Variants in HEMGN observed in about 807,000 individuals in gnomAD.
HEMGN encodes erythroid differentiation-associated gene protein.
A neutral mutation model predicts 45.7 loss-of-function variants in HEMGN; 32 were observed. The ratio of observed to expected loss-of-function variants is 0.70; its 90% CI spans 0.53 to 0.94. HEMGN has a LOEUF of 0.94. Among genes scored for constraint, HEMGN ranks in the 40% least tolerant of loss-of-function variants. The pLI, the probability that HEMGN is intolerant of heterozygous loss-of-function variation, is 0.00. For missense variants in HEMGN, 530 were observed against 564.2 expected (o/e 0.94, Z 0.61); for synonymous variants, 183 against 178.6 (o/e 1.02, Z -0.20).
intron 1 of HEMGN, among the ~76,000 whole-genome samples, chr9:97,936,950 T>A (rs1203968673): frequency 1.3e-5 from 2 of 152,206 alleles, no homozygotes; most frequent in African/African-American, 4.8e-5. Flanking sequence ...ATCAAAAAAG[T>A]TTCTGCTGCT....
Position 97,927,262 on chromosome 9 carries a change from C to A in HEMGN, c.*122G>T. 1.7e-6 allele frequency: 1 copy of A among 596,536 alleles called. No homozygotes were observed. Among genetic ancestry groups the A allele is most frequent in the South Asian group, 2.4e-5 (1 of 42,426 alleles). The allele number at this position is 596,536 out of a possible 1,614,324, so 37.0% of individuals were successfully genotyped here. The stretch of plus-strand genomic sequence containing the variant: ...AAATGTTATTTCTTTCAGATATGGT[C>A]TACAAATAGAAAAAATAATATTAAT... On this transcript the variant is annotated 3_prime_UTR_variant, in exon 4 of 4. Coordinates refer to ENST00000616898, the MANE Select transcript of HEMGN (RefSeq NM_197978.3).
intron 3 of HEMGN, among the ~76,000 whole-genome samples, chr9:97,928,658 T>C (rs1235318571): frequency 6.6e-6 from 1 of 152,194 alleles, no homozygotes; most frequent in African/African-American, 2.4e-5. Context: ...TTTAATATGG[T>C]GTCTGGCACA....
chr9:97,935,313 T>A (rs1263920895), intron 2 of HEMGN, among the ~76,000 whole-genome samples: 1 of 152,182 alleles, frequency 6.6e-6, no homozygotes, highest in Admixed American at 6.5e-5. Context: ...AAATTAGTGG[T>A]TCTCAACTGG....
At chr9:97,928,721 T>A (rs1826879873) in intron 3 of HEMGN, among the ~76,000 whole-genome samples, 1 of 152,254 alleles carries the variant, frequency 6.6e-6, no homozygotes, top group Non-Finnish European at 1.5e-5. Flanking sequence ...CCAATGATGT[T>A]CATTGAACAT....
intron 2 of HEMGN, among the ~76,000 whole-genome samples, chr9:97,932,393 T>C (rs1001401605): frequency 2.0e-5 from 3 of 152,190 alleles, no homozygotes; most frequent in Non-Finnish European, 4.4e-5. Context: ...CAAACACAGT[T>C]TGAAGTCAAT....
chr9:97,944,129 G>T (rs1483063939), intron 1 of HEMGN, among the ~76,000 whole-genome samples: 1 of 152,116 alleles, frequency 6.6e-6, no homozygotes, highest in Admixed American at 6.6e-5. Context: ...TATACTTTTA[G>T]CTACTACCTC....
intron 2 of HEMGN, 118 bp from the exon 3 acceptor site, chr9:97,931,339 T>A: frequency 1.4e-6 from 1 of 705,954 alleles, no homozygotes; most frequent in Non-Finnish European, 2.3e-6. Context: ...ACTAGTCACT[T>A]AATCTCTCTG....
Position 97,930,877 on chromosome 9 carries a change from G to A in HEMGN, c.518C>T (p.Ser173Phe). ...CQHVSEPEDL[S>F]PKMYQEISVL... Reference sequence around the variant, plus strand: ...AGATATTTCTTGGTACATTTTAGGAGAGAGGTCTTCAGGTTCAGACACATG... The same window carrying A: ...AGATATTTCTTGGTACATTTTAGGAAAGAGGTCTTCAGGTTCAGACACATG... Residue 173 changes from serine (S) to phenylalanine (F), a missense_variant, in exon 3 of 4, where the codon TCT becomes TTT. Transcript: ENST00000616898. 1.2e-6 allele frequency: 2 copies of A among 1,614,080 alleles called. No individual in the cohort carries two copies. The highest frequency in any genetic ancestry group is 1.7e-6 in the Non-Finnish European group (2 of 1,179,922).
At chr9:97,940,363 G>A (rs1429214344), upstream of HEMGN, among the ~76,000 whole-genome samples, 4 of 152,122 alleles carry the variant, frequency 2.6e-5, no homozygotes, top group Non-Finnish European at 4.4e-5. Flanking sequence ...CATGTTCCCT[G>A]TATCTAGAAG....
At chr9:97,942,902 C>T (rs527238918), upstream of HEMGN, among the ~76,000 whole-genome samples, 2 of 152,254 alleles carry the variant, frequency 1.3e-5, no homozygotes, top group East Asian at 3.9e-4. Flanking sequence ...AAAATTATAG[C>T]GCCTCCAAAA....
upstream of HEMGN, chr9:97,938,205 T>C: frequency 4.2e-6 from 4 of 962,008 alleles, no homozygotes; most frequent in Non-Finnish European, 6.6e-6. Context: ...TTTTAAAATA[T>C]CAAAAACATC....
chr9:97,936,100 C>G, intron 2 of HEMGN, 71 bp downstream of exon 2: 1 of 975,072 alleles, frequency 1.0e-6, no homozygotes, highest in Non-Finnish European at 1.7e-6. Context: ...GTGTAAAGTG[C>G]ACAGCACTAC....
In HEMGN at chr9:97,927,366, C is replaced by T. The variant is rs770481250; in HGVS notation, c.*18G>A. 2.0e-5 allele frequency: 29 copies of T among 1,452,954 alleles called. No homozygotes were observed. The highest frequency in any genetic ancestry group is 5.2e-5 in the Admixed American group (3 of 57,414). The allele number at this position is 1,452,954 out of a possible 1,614,324, so 90.0% of individuals were successfully genotyped here. On this transcript the variant is annotated 3_prime_UTR_variant, in exon 4 of 4. Coordinates refer to ENST00000616898, the MANE Select transcript of HEMGN (RefSeq NM_197978.3). Reference sequence around the variant, plus strand: ...AGCTGTATGTTCCATTGGACCACAACTTTATGGTTGAGCATTGTTAAAACA... The same window carrying T: ...AGCTGTATGTTCCATTGGACCACAATTTTATGGTTGAGCATTGTTAAAACA...
At chr9:97,931,246 C>A in intron 2 of HEMGN, 25 bp from the exon 3 acceptor site, 1 of 1,540,502 alleles carries the variant, frequency 6.5e-7, no homozygotes. Flanking sequence ...GAATTAGTGT[C>A]AGCAGTGGTA....
intron 2 of HEMGN, among the ~76,000 whole-genome samples, chr9:97,931,812 C>T (rs1826959409): frequency 6.6e-6 from 1 of 152,130 alleles, no homozygotes; most frequent in African/African-American, 2.4e-5. Flanking sequence ...GCTGCAAAAG[C>T]ACTTCTTGAA....
chr9:97,928,094 T>C (rs972692781), intron 3 of HEMGN, among the ~76,000 whole-genome samples: 1 of 150,668 alleles, frequency 6.6e-6, no homozygotes, highest in African/African-American at 2.4e-5. Flanking sequence ...TGGCGCGATC[T>C]CTGCTCACTG....
intron 1 of HEMGN, 82 bp downstream of exon 1, chr9:97,937,973 TTTG>T: frequency 5.9e-6 from 4 of 677,992 alleles, no homozygotes; most frequent in South Asian, 4.2e-5. Flanking sequence ...TTTTTTTTTT[TTTG>T]GCCAGATCCA....
chr9:97,927,434 GA>G lies in HEMGN; in HGVS notation c.1404del (p.Leu469Ter). On this transcript the variant is annotated frameshift_variant, in exon 4 of 4. Transcript: ENST00000616898. LOFTEE classifies it high-confidence loss of function. ...KPKEEPGIPA[I>X]LNESHPENDV... ...TCATTTTCTGGATGACTCTCATTCA[GA>G]ATTGCTGGTATTCCTGGCTCTTCTT... 1 of 1,610,150 alleles carries G rather than the reference GA, an allele frequency of 6.2e-7. No individual in the cohort carries two copies. Among genetic ancestry groups the G allele is most frequent in the Non-Finnish European group, 8.5e-7 (1 of 1,177,456 alleles).
chr9:97,940,593 A>G (rs1264215013), upstream of HEMGN, among the ~76,000 whole-genome samples: 3 of 152,208 alleles, frequency 2.0e-5, no homozygotes, highest in Non-Finnish European at 4.4e-5. Flanking sequence ...TTCTCTCTGT[A>G]GAAAATTCTA....
Sources: allele counts gnomAD v4.1 joint callset (sites outside exome capture counted in the v4.1 genomes callset), GRCh38; gene constraint gnomAD v4.1.1; transcripts MANE v1.5; gene names NCBI Gene and HGNC (gene_info 2026-07-23, HGNC 2026-07-21).